Variants in CYB5RL observed in about 807,000 individuals in gnomAD.
CYB5RL encodes the protein NADH-cytochrome b5 reductase-like.
Under a neutral mutation model 37.5 loss-of-function variants are expected in CYB5RL, and 38 were observed. The observed-to-expected ratio is 1.01, with a 90% CI of 0.78 to 1.33. The LOEUF (loss-of-function observed/expected upper bound fraction) is 1.33. CYB5RL is among the 40% of genes most tolerant of loss of function. The probability of loss-of-function intolerance (pLI) is 0.00; values close to 1 mark genes in which losing one functional copy is unlikely to be tolerated. For synonymous variants in CYB5RL, 141 were observed against 151.9 expected (o/e 0.93, Z 0.53); for missense variants, 388 against 394.4 (o/e 0.98, Z 0.14).
In CYB5RL at chr1:54,170,132, T is replaced by A. The variant is rs10888836; in HGVS notation, c.*4487A>T. The stretch of plus-strand genomic sequence containing the variant: ...ATCTTTTTTTGGGGGGCACTGAGTC[T>A]CGCTCTGTCACCCAGGCTGGAGTGC... On this transcript the variant is annotated 3_prime_UTR_variant, in exon 8 of 8. Coordinates refer to ENST00000534324, the MANE Select transcript of CYB5RL (RefSeq NM_001031672.4). 1 of 152,212 alleles carries A rather than the reference T, an allele frequency of 6.6e-6. No individual in the cohort carries two copies. The highest frequency in any genetic ancestry group is 2.1e-4 in the South Asian group (1 of 4,834). 9.4% of individuals were successfully genotyped at this position (152,212 alleles called of 1,614,324 possible).
rs1321533380 is a variant in CYB5RL, at chr1:54,174,779, G to A, written c.788C>T (p.Thr263Ile). The A allele has an allele frequency of 6.2e-7, 1 of 1,613,950 alleles. No individual in the cohort carries two copies. The highest frequency in any genetic ancestry group is 1.1e-5 in the South Asian group (1 of 91,074). Reference sequence around the variant, plus strand: ...GTCCTGGCCCAGGTGGCCAAAGTGGGTTTTCTCTTGGTAACTCCAGGGAAG... The same window carrying A: ...GTCCTGGCCCAGGTGGCCAAAGTGGATTTTCTCTTGGTAACTCCAGGGAAG... ...EQLPWSYQEK[T>I]HFGHLGQDLI... Residue 263 changes from threonine (T) to isoleucine (I), a missense_variant, in exon 8 of 8, where the codon ACC (threonine) becomes ATC (isoleucine). By Grantham distance (89) the Thr-to-Ile change is moderately conservative. Coordinates refer to ENST00000534324, the MANE Select transcript of CYB5RL (RefSeq NM_001031672.4).
At chr1:54,179,590 A>G (rs923043508) in intron 6 of CYB5RL, among the ~76,000 whole-genome samples, 3 of 152,224 alleles carry the variant, frequency 2.0e-5, no homozygotes, top group African/African-American at 7.2e-5. Flanking sequence ...ACATAACAGT[A>G]TAGCCCATCC....
At chr1:54,191,581 G>A (rs1196829614) in intron 3 of CYB5RL, among the ~76,000 whole-genome samples, 1 of 152,140 alleles carries the variant, frequency 6.6e-6, no homozygotes, top group Non-Finnish European at 1.5e-5. Flanking sequence ...TGAATGCTGT[G>A]ACTCACAGAT....
intron 5 of CYB5RL, chr1:54,185,148 C>T (rs1660259302): frequency 1.3e-5 from 2 of 152,252 alleles, no homozygotes; most frequent in Non-Finnish European, 2.9e-5. Flanking sequence ...AGCTTACAAT[C>T]TAGAAGGGAC....
intron 5 of CYB5RL, 34 bp downstream of exon 5, chr1:54,187,618 C>A (rs61775225): frequency 1.9e-6 from 3 of 1,595,720 alleles, no homozygotes; most frequent in Non-Finnish European, 2.6e-6. Context: ...AGCTTCTCCA[C>A]GGCATCTTGG....
At chr1:54,188,862 C>T (rs1048847914) in intron 4 of CYB5RL, among the ~76,000 whole-genome samples, 1 of 152,198 alleles carries the variant, frequency 6.6e-6, no homozygotes, top group African/African-American at 2.4e-5. Flanking sequence ...GCACCAAAAG[C>T]ATGAGAGGGC....
rs1216361171 is a variant in CYB5RL at position 54,184,160 on chromosome 1, C to T, written c.540+1G>A. On this transcript the variant is annotated splice_donor_variant, in intron 6 of 7. Transcript: ENST00000534324. LOFTEE classifies it high-confidence loss of function. ...TGAAGATTTAAGGTGCTGGCACTGA[C>T]CTGGTTTGGTTTATAGAAGAAATCT... is the stretch of plus-strand genomic sequence containing the variant. The T allele has an allele frequency of 6.2e-7, 1 of 1,612,210 alleles. No homozygotes were observed. The highest frequency in any genetic ancestry group is 2.2e-5 in the East Asian group (1 of 44,844).
Position 54,190,836 on chromosome 1 carries a change from T to A in CYB5RL, c.259A>T (p.Arg87Trp), listed in dbSNP as rs1164562703. 3.7e-6 allele frequency: 6 copies of A among 1,606,052 alleles called. No individual in the cohort carries two copies. Among genetic ancestry groups the A allele is most frequent in the Admixed American group, 3.4e-5 (2 of 58,790 alleles). ...FVAFCIIAMDRLTKDTYRVRF... is the reference protein window; with the variant it reads ...FVAFCIIAMDWLTKDTYRVRF... ...ACACGGTAGGTGTCCTTAGTGAGCC[T>A]GTCCATGGCAATGATGCAGAAGGCC... The change falls in exon 4 of 8, where the codon AGG becomes TGG. Residue 87 changes from arginine to tryptophan, a missense_variant. Transcript: ENST00000534324.
At position 54,172,335 on chromosome 1, in the gene CYB5RL, C is replaced by CTTTTTTTTTTTTTT. The variant is rs71066905; in HGVS notation, c.*2270_*2283dup. On this transcript the variant is annotated 3_prime_UTR_variant, in exon 8 of 8. Transcript: ENST00000534324. ...GCGCATACCACCACATAAGGTTAAT[C>CTTTTTTTTTTTTTT]TTTTTTTTTTTTTTTTTTTTGTAGA... 4 of 104,858 alleles carry CTTTTTTTTTTTTTT rather than the reference C, an allele frequency of 3.8e-5. No individual in the cohort carries two copies. Among genetic ancestry groups the CTTTTTTTTTTTTTT allele is most frequent in the Non-Finnish European group, 7.2e-5 (4 of 55,664 alleles). The allele number at this position is 104,858 out of a possible 1,614,324, so 6.5% of individuals were successfully genotyped here. A position where few individuals can be genotyped will look rare whatever the true frequency, so the allele number is the denominator to read the frequency against.
At chr1:54,176,785 G>C (rs1020891325) in intron 7 of CYB5RL, among the ~76,000 whole-genome samples, 7 of 152,196 alleles carry the variant, frequency 4.6e-5, no homozygotes, top group Non-Finnish European at 8.8e-5. Flanking sequence ...ACGGATAGGG[G>C]ACCCCACAAA....
intron 5 of CYB5RL, among the ~76,000 whole-genome samples, chr1:54,186,730 T>C (rs550743593): frequency 4.4e-4 from 67 of 151,374 alleles, no homozygotes; most frequent in African/African-American, 1.6e-3. Context: ...CAAGCTTATG[T>C]GTGGAGGAAT....
chr1:54,181,960 G>T (rs1355308515), intron 6 of CYB5RL, among the ~76,000 whole-genome samples: 1 of 152,150 alleles, frequency 6.6e-6, no homozygotes, highest in Non-Finnish European at 1.5e-5. Flanking sequence ...CAGGAAGGCA[G>T]GAAGGTAGGA....
intron 4 of CYB5RL, 138 bp from the exon 5 acceptor site, chr1:54,187,877 A>T (rs1643916887): frequency 3.0e-6 from 2 of 663,424 alleles, no homozygotes; most frequent in South Asian, 3.7e-5. Context: ...GGAGTTTGAG[A>T]CCAGCCTGGA....
At chr1:54,185,584 T>C (rs942123109) in intron 5 of CYB5RL, 1 of 152,184 alleles carries the variant, frequency 6.6e-6, no homozygotes. Context: ...CCTGACTTCC[T>C]TGGGCACCAC....
chr1:54,198,256 T>A (rs1420555104), intron 1 of CYB5RL, among the ~76,000 whole-genome samples: 1 of 152,040 alleles, frequency 6.6e-6, no homozygotes, highest in East Asian at 1.9e-4. Flanking sequence ...TTCATTTTTA[T>A]TGCATGCTAT....
rs377611403 is a variant in CYB5RL at position 54,195,402 on chromosome 1, G to T, written c.198+17C>A. 373 of 1,560,768 alleles carry T rather than the reference G, an allele frequency of 2.4e-4. 4 individuals are homozygous for T. The Middle Eastern group carries it at 5.3e-3, about 22-fold the overall frequency. On this transcript the variant is annotated intron_variant, in intron 3 of 7. Transcript: ENST00000534324. ...ATTGTTGCCCTGGTGCTCATATCGA[G>T]AAGCAGCCTCTCTCACCTGTGACTC...
At position 54,181,398 on chromosome 1, in the gene CYB5RL, G is replaced by A. The variant is rs369084353; in HGVS notation, c.541-2046C>T. Among the ~76,000 whole-genome samples the A allele has an allele frequency of 9.2e-5, 14 of 152,326 alleles. No individual in the cohort carries two copies. The South Asian group carries it at 2.9e-3, about 32-fold the overall frequency. ...ATCTCTAGGTCCCCAGAGTCCCCTG[G>A]CCCTGGGTGAACACTTGTGTCTGTT... On this transcript the variant is annotated intron_variant, in intron 6 of 7. Coordinates refer to ENST00000534324, the MANE Select transcript of CYB5RL (RefSeq NM_001031672.4).
In CYB5RL at chr1:54,170,821, T is replaced by G. The variant is rs1659874509; in HGVS notation, c.*3798A>C. On this transcript the variant is annotated 3_prime_UTR_variant, in exon 8 of 8. Transcript: ENST00000534324. ...CCCTACATGACCTTGGAAAATCGCT[T>G]GAAGTCTCAGAAGCTTAGTTTCCTC... 3.2e-6 allele frequency: 1 copy of G among 311,682 alleles called. No homozygotes were observed. Among genetic ancestry groups the G allele is most frequent in the African/African-American group, 2.2e-5 (1 of 46,454 alleles). The allele number at this position is 311,682 out of a possible 1,614,324, so 19.3% of individuals were successfully genotyped here.
intron 1 of CYB5RL, among the ~76,000 whole-genome samples, chr1:54,198,071 T>A (rs1644028541): frequency 6.7e-6 from 1 of 148,832 alleles, no homozygotes; most frequent in African/African-American, 2.5e-5. Flanking sequence ...GGTATCTTAT[T>A]CTTTCTGTAT....
Sources: allele counts gnomAD v4.1 joint callset (sites outside exome capture counted in the v4.1 genomes callset), GRCh38; gene constraint gnomAD v4.1.1; transcripts MANE v1.5; gene names NCBI Gene and HGNC (gene_info 2026-07-23, HGNC 2026-07-21).